Variants in LDLRAD3 observed in about 807,000 individuals in gnomAD.
The protein encoded by LDLRAD3 is low-density lipoprotein receptor class A domain-containing protein 3.
LDLRAD3 carries 20 observed loss-of-function variants against 29.4 expected under a neutral mutation model. The ratio of observed to expected loss-of-function variants is 0.68; its 90% CI spans 0.48 to 0.99. LDLRAD3 has a LOEUF of 0.99. Among genes scored for constraint, LDLRAD3 ranks in the 50% least tolerant of loss-of-function variants. The pLI is 0.00. For missense variants in LDLRAD3, 420 were observed against 454.3 expected, an observed-to-expected ratio of 0.92 and a Z score of 0.69; for synonymous variants, 157 against 192.7, an observed-to-expected ratio of 0.81 and a Z score of 1.53.
chr11:36,168,352 C>T (rs1854544811), intron 4 of LDLRAD3, among the ~76,000 whole-genome samples: 1 of 152,072 alleles, frequency 6.6e-6, no homozygotes, highest in Admixed American at 6.5e-5. Context: ...TTGTTTTTAA[C>T]AGGAGGAGAA....
chr11:36,044,379 C>A (rs1458015153), intron 2 of LDLRAD3, among the ~76,000 whole-genome samples: 2 of 152,078 alleles, frequency 1.3e-5, no homozygotes, highest in Non-Finnish European at 2.9e-5. Context: ...TAATATGAGG[C>A]TTGTAGCTGG....
chr11:36,142,915 A>G (rs1854107411), intron 4 of LDLRAD3, among the ~76,000 whole-genome samples: 1 of 152,228 alleles, frequency 6.6e-6, no homozygotes, highest in Non-Finnish European at 1.5e-5. Context: ...TCCCAGGCTC[A>G]TGGAACCCAG....
intron 2 of LDLRAD3, among the ~76,000 whole-genome samples, chr11:36,071,544 A>T (rs970360861): frequency 3.9e-5 from 6 of 152,258 alleles, no homozygotes; most frequent in Admixed American, 3.9e-4. Flanking sequence ...GCCATTAAAA[A>T]TGATGATGTG....
intron 1 of LDLRAD3, among the ~76,000 whole-genome samples, chr11:35,948,440 G>A (rs1364226243): frequency 5.7e-5 from 3 of 52,330 alleles, no homozygotes; most frequent in East Asian, 2.6e-3. Flanking sequence ...GGCTGATCGT[G>A]TGTGTGTGTG....
intron 2 of LDLRAD3, among the ~76,000 whole-genome samples, chr11:36,060,817 C>G (rs762139428): frequency 6.6e-6 from 1 of 152,186 alleles, no homozygotes; most frequent in Non-Finnish European, 1.5e-5. Flanking sequence ...TTGTGGAATG[C>G]TTTTGTCTAT....
At chr11:35,965,994 C>A (rs1295736127) in intron 1 of LDLRAD3, among the ~76,000 whole-genome samples, 1 of 152,208 alleles carries the variant, frequency 6.6e-6, no homozygotes, top group African/African-American at 2.4e-5. Context: ...AGGCATGTTA[C>A]TACTGACCTA....
At chr11:36,033,901 C>T (rs1402690707) in intron 1 of LDLRAD3, among the ~76,000 whole-genome samples, 1 of 152,140 alleles carries the variant, frequency 6.6e-6, no homozygotes, top group African/African-American at 2.4e-5. Context: ...TTAGGGATGG[C>T]TGACTTTGCA....
chr11:35,970,245 G>C (rs1008435173), intron 1 of LDLRAD3, among the ~76,000 whole-genome samples: 1 of 152,218 alleles, frequency 6.6e-6, no homozygotes, highest in African/African-American at 2.4e-5. Flanking sequence ...ATGGGGTCTT[G>C]ACATATGTAA....
chr11:36,151,657 C>A (rs1418133309), intron 4 of LDLRAD3, among the ~76,000 whole-genome samples: 2 of 152,168 alleles, frequency 1.3e-5, no homozygotes, highest in African/African-American at 4.8e-5. Context: ...TAGTCTTCCA[C>A]CTCCTCCATT....
At chr11:36,112,346 A>C (rs539421214) in intron 4 of LDLRAD3, among the ~76,000 whole-genome samples, 1 of 152,242 alleles carries the variant, frequency 6.6e-6, no homozygotes, top group Admixed American at 6.5e-5. Context: ...CCAGGAATAC[A>C]CAACCATCTC....
At chr11:35,945,630 C>A (rs1851047220) in intron 1 of LDLRAD3, among the ~76,000 whole-genome samples, 1 of 151,634 alleles carries the variant, frequency 6.6e-6, no homozygotes, top group African/African-American at 2.4e-5. Context: ...GATATGAAGA[C>A]CTGTTTGGAT....
At chr11:36,010,493 T>C (rs1851941957) in intron 1 of LDLRAD3, among the ~76,000 whole-genome samples, 1 of 152,208 alleles carries the variant, frequency 6.6e-6, no homozygotes, top group Admixed American at 6.5e-5. Flanking sequence ...TCCCATCTCT[T>C]TCTACATAGG....
intron 4 of LDLRAD3, among the ~76,000 whole-genome samples, chr11:36,220,993 G>C (rs999663265): frequency 1.3e-5 from 2 of 152,114 alleles, no homozygotes; most frequent in African/African-American, 4.8e-5. Context: ...TTTTTCAAAG[G>C]GATGAGGAAG....
chr11:35,982,531 C>A (rs1851554655), intron 1 of LDLRAD3, among the ~76,000 whole-genome samples: 1 of 152,178 alleles, frequency 6.6e-6, no homozygotes, highest in Non-Finnish European at 1.5e-5. Context: ...TTGGGGGACA[C>A]ATTTCAACCC....
intron 1 of LDLRAD3, among the ~76,000 whole-genome samples, chr11:35,965,186 A>G (rs975360442): frequency 2.6e-5 from 4 of 152,224 alleles, no homozygotes; most frequent in African/African-American, 7.2e-5. Flanking sequence ...GATGAGAATA[A>G]TGAAAACCAA....
intron 3 of LDLRAD3, among the ~76,000 whole-genome samples, chr11:36,095,995 G>GAAGTCAGACCTCGGTTTCAGCTT (rs1336209580): frequency 6.6e-6 from 1 of 152,186 alleles, no homozygotes; most frequent in African/African-American, 2.4e-5. Flanking sequence ...GGTTTTGGCT[G>GAAGTCAGACCTCGGTTTCAGCTT]AAGTCAGACC....
At chr11:36,076,318 T>C (rs1853001362) in intron 2 of LDLRAD3, among the ~76,000 whole-genome samples, 1 of 152,132 alleles carries the variant, frequency 6.6e-6, no homozygotes, top group African/African-American at 2.4e-5. Flanking sequence ...CTCCAATTCC[T>C]TCAAATTTCC....
At chr11:35,994,996 C>T (rs1050128233) in intron 1 of LDLRAD3, among the ~76,000 whole-genome samples, 2 of 152,208 alleles carry the variant, frequency 1.3e-5, no homozygotes, top group African/African-American at 4.8e-5. Flanking sequence ...GTCTTGAACA[C>T]CTAAAAGTCA....
chr11:36,098,379 CTG>C lies in LDLRAD3; in HGVS notation c.374_375del (p.Cys125TyrfsTer2). 6.2e-7 allele frequency: 1 copy of C among 1,614,234 alleles called. No homozygotes were observed. Among genetic ancestry groups the C allele is most frequent in the Admixed American group, 1.7e-5 (1 of 60,032 alleles). On this transcript the variant is annotated frameshift_variant, in exon 4 of 6. Coordinates refer to ENST00000315571, the MANE Select transcript of LDLRAD3 (RefSeq NM_174902.4). LOFTEE classifies it high-confidence loss of function. ...TARYHCKNGLCIDKSFICDGQ... is the reference protein window; with the variant it reads ...TARYHCKNGLXIDKSFICDGQ... ...CCCGCTACCACTGCAAGAACGGCCT[CTG>C]TATTGACAAGAGCTTCATCTGCGAT...
Sources: allele counts gnomAD v4.1 joint callset (sites outside exome capture counted in the v4.1 genomes callset), GRCh38; gene constraint gnomAD v4.1.1; transcripts MANE v1.5; gene names NCBI Gene and HGNC (gene_info 2026-07-23, HGNC 2026-07-21).